LAMA3: variants seen among roughly 807,000 people sequenced by gnomAD.
The protein encoded by LAMA3 is laminin subunit alpha 3.
A neutral mutation model predicts 402.0 loss-of-function variants in LAMA3; 281 were observed. That is an observed-to-expected ratio of 0.70 (90% CI 0.63 to 0.77). LAMA3 has a LOEUF of 0.77. LAMA3 is among the 30% of genes least tolerant of loss of function. LAMA3 has a pLI of 0.00. For synonymous variants in LAMA3, 1,431 were observed against 1,558.4 expected (o/e 0.92, Z 1.93); for missense variants, 3,840 against 4,215.5 (o/e 0.91, Z 2.47).
At chr18:23,751,485 C>A (rs2061752202) in intron 5 of LAMA3, among the ~76,000 whole-genome samples, 1 of 152,178 alleles carries the variant, frequency 6.6e-6, no homozygotes, top group South Asian at 2.1e-4. Context: ...GAAGCAGGTT[C>A]TTTCTATCCA....
chr18:23,941,096 C>T (rs935240429), intron 68 of LAMA3, among the ~76,000 whole-genome samples: 3 of 151,972 alleles, frequency 2.0e-5, no homozygotes, highest in Admixed American at 6.6e-5. Context: ...CCACCACGCC[C>T]GGCTAATTTT....
chr18:23,824,714 A>G, intron 21 of LAMA3, 149 bp downstream of exon 21: 1 of 838,316 alleles, frequency 1.2e-6, no homozygotes. Context: ...AACCTAAGGA[A>G]ACTGTGGTGA....
At chr18:23,776,499 T>C (rs1721733194) in intron 10 of LAMA3, among the ~76,000 whole-genome samples, 1 of 152,226 alleles carries the variant, frequency 6.6e-6, no homozygotes, top group Non-Finnish European at 1.5e-5. Context: ...GCTCTGTTTG[T>C]TGTGCAGCAG....
At chr18:23,898,885 T>A in intron 45 of LAMA3, 37 bp downstream of exon 45, 2 of 1,577,420 alleles carry the variant, frequency 1.3e-6, no homozygotes, top group Non-Finnish European at 1.7e-6. Flanking sequence ...GGGGTTTTTT[T>A]GCTTTCAAAG....
rs2145054944 is a variant in LAMA3 at position 23,894,292 on chromosome 18, T to C, written c.5411-6T>C. The stretch of plus-strand genomic sequence containing the variant: ...TATGTCTTCTTTGGTTATTTTCTGA[T>C]TTTAGACTGCATAAACCAAGAACCC... On this transcript the variant is annotated splice_polypyrimidine_tract_variant and splice_region_variant and intron_variant, in intron 42 of 74. Transcript: ENST00000313654. 6.2e-7 allele frequency: 1 copy of C among 1,609,106 alleles called. No individual in the cohort carries two copies. The highest frequency in any genetic ancestry group is 8.5e-7 in the Non-Finnish European group (1 of 1,175,392).
intron 36 of LAMA3, among the ~76,000 whole-genome samples, chr18:23,867,555 A>G (rs1219977718): frequency 8.1e-5 from 12 of 149,026 alleles, no homozygotes; most frequent in Non-Finnish European, 1.6e-4. Context: ...TCCCTGCCAA[A>G]AAAAAAAAAA....
intron 44 of LAMA3, among the ~76,000 whole-genome samples, chr18:23,895,989 T>G (rs2080862352): frequency 6.6e-6 from 1 of 152,200 alleles, no homozygotes; most frequent in Admixed American, 6.5e-5. Flanking sequence ...TCTCATTCAG[T>G]TCAATGGATT....
chr18:23,760,148 C>CA (rs958104795), intron 7 of LAMA3, among the ~76,000 whole-genome samples: 3 of 151,766 alleles, frequency 2.0e-5, no homozygotes, highest in Non-Finnish European at 4.4e-5. Flanking sequence ...CCAACACATA[C>CA]AAAAAAAATT....
intron 6 of LAMA3, 49 bp from the exon 7 acceptor site, chr18:23,758,347 C>T: frequency 1.4e-6 from 2 of 1,405,698 alleles, no homozygotes; most frequent in South Asian, 2.4e-5. Context: ...TCAACTGATC[C>T]TCATCAAAAC....
chr18:23,909,288 C>T lies in LAMA3; in HGVS notation c.7151C>T (p.Ala2384Val). The stretch of plus-strand genomic sequence containing the variant: ...CTAATTCAGCAGGCCAGAGATGCTG[C>T]CAGTAAGGTGAGTGTGTCCCCACGT... ...RELIQQARDAASKVAVPMRFN... is the reference protein window; with the variant it reads ...RELIQQARDAVSKVAVPMRFN... Residue 2384 changes from alanine to valine, a missense_variant, in exon 55 of 75, where the codon GCC becomes GTC. Ala to Val is a moderately conservative substitution (Grantham distance 64). Around this residue, in one of 3 missense-constraint regions of LAMA3, gnomAD observed 891 missense variants for 857.5 expected, o/e 1.04. Transcript: ENST00000313654. 6.2e-7 allele frequency: 1 copy of T among 1,611,794 alleles called. No homozygotes were observed. The highest frequency in any genetic ancestry group is 8.5e-7 in the Non-Finnish European group (1 of 1,179,906).
In LAMA3 at chr18:23,873,082, G is replaced by T. The variant is rs374171592; in HGVS notation, c.4998+1421G>T. 102 of 1,614,108 alleles carry T rather than the reference G, an allele frequency of 6.3e-5. No homozygotes were observed. The highest frequency in any genetic ancestry group is 8.6e-5 in the Non-Finnish European group (101 of 1,180,054). ...GTGAGGCGGTCAGCCTGCAGCATGGGATGGCTGTGGATCTTTGGGGCAGCC... is the reference window on the plus strand; with the variant it reads ...GTGAGGCGGTCAGCCTGCAGCATGGTATGGCTGTGGATCTTTGGGGCAGCC... On this transcript the variant is annotated intron_variant, in intron 38 of 74. Coordinates refer to ENST00000313654, the MANE Select transcript of LAMA3 (RefSeq NM_198129.4).
At chr18:23,834,720 C>G (rs2063549832) in intron 24 of LAMA3, 1 of 152,540 alleles carries the variant, frequency 6.6e-6, no homozygotes, top group East Asian at 1.9e-4. Context: ...TTGGCCATGG[C>G]CTTGAACATT....
chr18:23,825,331 TC>T (rs914822006), intron 21 of LAMA3, among the ~76,000 whole-genome samples: 2 of 152,224 alleles, frequency 1.3e-5, no homozygotes, highest in Non-Finnish European at 2.9e-5. Flanking sequence ...CATGGCAAGG[TC>T]TTTTCAAAAT....
At chr18:23,874,561 G>T (rs565029356) in intron 38 of LAMA3, among the ~76,000 whole-genome samples, 1 of 152,198 alleles carries the variant, frequency 6.6e-6, no homozygotes, top group South Asian at 2.1e-4. Flanking sequence ...TTTGGAAGGG[G>T]TTCTAGCAAC....
rs2144379723 is a variant in LAMA3, at chr18:23,819,851, AACT to A, written c.2163_2165del (p.Tyr722del). ...TTTTAATTATGAAAGGCCTGAAAAC[AACT>A]ACTATTTCCCAGATTTGCATCATAT... On this transcript the variant is annotated inframe_deletion, in exon 19 of 75. Transcript: ENST00000313654. 1.2e-6 allele frequency: 2 copies of A among 1,614,114 alleles called. No individual in the cohort carries two copies. Among genetic ancestry groups the A allele is most frequent in the Middle Eastern group, 1.6e-4 (1 of 6,062 alleles).
At chr18:23,801,053 G>T (rs565024184) in intron 12 of LAMA3, among the ~76,000 whole-genome samples, 1 of 152,194 alleles carries the variant, frequency 6.6e-6, no homozygotes, top group Non-Finnish European at 1.5e-5. Flanking sequence ...CATCGACAGT[G>T]AACTGGATAA....
At chr18:23,813,889 G>A (rs551100258) in intron 14 of LAMA3, among the ~76,000 whole-genome samples, 1 of 152,168 alleles carries the variant, frequency 6.6e-6, no homozygotes, top group South Asian at 2.1e-4. Context: ...CTGTCTTCTT[G>A]GCCTCAGAGC....
intron 2 of LAMA3, among the ~76,000 whole-genome samples, chr18:23,728,409 G>A (rs1301304668): frequency 6.6e-6 from 1 of 152,148 alleles, no homozygotes; most frequent in Non-Finnish European, 1.5e-5. Flanking sequence ...TCCTAAGGAG[G>A]ATCTTGGCTC....
At chr18:23,855,600 G>A (rs2064057657) in intron 32 of LAMA3, among the ~76,000 whole-genome samples, 1 of 152,218 alleles carries the variant, frequency 6.6e-6, no homozygotes, top group African/African-American at 2.4e-5. Flanking sequence ...CCTCTGATAA[G>A]AGAATGCAAA....
Sources: allele counts gnomAD v4.1 joint callset (sites outside exome capture counted in the v4.1 genomes callset), GRCh38; gene constraint gnomAD v4.1.1; regional missense constraint gnomAD v4.1.1; transcripts MANE v1.5; gene names NCBI Gene and HGNC (gene_info 2026-07-23, HGNC 2026-07-21).